ANO2: variants seen among roughly 807,000 people sequenced by gnomAD.
ANO2 encodes the protein anoctamin-2.
In ANO2, 101 loss-of-function variants were observed where a neutral mutation model predicts 124.2. That is an observed-to-expected ratio of 0.81 (90% CI 0.69 to 0.96). The LOEUF (loss-of-function observed/expected upper bound fraction) is 0.96, where lower values mean the gene tolerates loss of function less well. Ranked by LOEUF, ANO2 falls within the 40% of genes least tolerant of loss-of-function variation. The pLI is 0.00. For synonymous variants in ANO2, 486 were observed against 482.5 expected (o/e 1.01, Z -0.09); for missense variants, 1,293 against 1,274.5 (o/e 1.01, Z -0.22).
intron 16 of ANO2, among the ~76,000 whole-genome samples, chr12:5,627,077 A>C (rs999206732): frequency 3.9e-5 from 6 of 152,240 alleles, no homozygotes; most frequent in African/African-American, 1.4e-4. Flanking sequence ...TCTAAACAGT[A>C]GAATTACTGA....
chr12:5,876,379 G>A (rs1938105303), intron 3 of ANO2, among the ~76,000 whole-genome samples: 1 of 152,166 alleles, frequency 6.6e-6, no homozygotes, highest in African/African-American at 2.4e-5. Flanking sequence ...TACACTGTTG[G>A]TGGGAGTGTA....
At chr12:5,663,867 A>G (rs757463886) in intron 14 of ANO2, among the ~76,000 whole-genome samples, 1 of 152,202 alleles carries the variant, frequency 6.6e-6, no homozygotes, top group Non-Finnish European at 1.5e-5. Flanking sequence ...AATTGAGAAG[A>G]ATCATTTTAC....
chr12:5,745,085 T>G (rs1951227387), intron 11 of ANO2, among the ~76,000 whole-genome samples: 1 of 152,234 alleles, frequency 6.6e-6, no homozygotes, highest in African/African-American at 2.4e-5. Flanking sequence ...TATTTCCATT[T>G]AATGGACTGA....
At chr12:5,684,816 C>T (rs946291557) in intron 14 of ANO2, among the ~76,000 whole-genome samples, 2 of 152,150 alleles carry the variant, frequency 1.3e-5, no homozygotes, top group African/African-American at 4.8e-5. Flanking sequence ...ATAGAGATCC[C>T]AGAGAGAAGC....
At chr12:5,626,938 A>G (rs1417056519) in intron 16 of ANO2, among the ~76,000 whole-genome samples, 1 of 152,194 alleles carries the variant, frequency 6.6e-6, no homozygotes, top group African/African-American at 2.4e-5. Context: ...CCAAAGAGAA[A>G]GACAGGAAGA....
At chr12:5,697,585 T>G (rs576298341) in intron 14 of ANO2, among the ~76,000 whole-genome samples, 1 of 152,202 alleles carries the variant, frequency 6.6e-6, no homozygotes, top group African/African-American at 2.4e-5. Flanking sequence ...TTCATCTCAC[T>G]GGGGCTTGTC....
chr12:5,644,998 C>T (rs1391512462), intron 15 of ANO2, among the ~76,000 whole-genome samples: 2 of 151,614 alleles, frequency 1.3e-5, no homozygotes, highest in African/African-American at 4.8e-5. Flanking sequence ...TTTCTTGTGC[C>T]TTATATACTC....
chr12:5,647,290 C>A (rs889242729), intron 15 of ANO2, among the ~76,000 whole-genome samples: 4 of 152,160 alleles, frequency 2.6e-5, no homozygotes, highest in African/African-American at 9.7e-5. Flanking sequence ...AAGGGCTGTA[C>A]CAAACTCTAA....
At chr12:5,807,742 T>C (rs1318910524) in intron 7 of ANO2, among the ~76,000 whole-genome samples, 1 of 152,150 alleles carries the variant, frequency 6.6e-6, no homozygotes, top group African/African-American at 2.4e-5. Context: ...TATAAAAGTG[T>C]ATGAGAGCAT....
chr12:5,645,026 G>A (rs1323345674), intron 15 of ANO2, among the ~76,000 whole-genome samples: 1 of 151,638 alleles, frequency 6.6e-6, no homozygotes, highest in East Asian at 1.9e-4. Flanking sequence ...TCACTATGAT[G>A]CATCTAGATG....
chr12:5,939,690 C>T (rs571194458), intron 1 of ANO2, among the ~76,000 whole-genome samples: 40 of 152,286 alleles, frequency 2.6e-4, no homozygotes, highest in African/African-American at 8.4e-4. Context: ...TCCTGTTTTC[C>T]GAAAGGTAGA....
intron 7 of ANO2, among the ~76,000 whole-genome samples, chr12:5,820,623 T>C (rs1953763361): frequency 6.6e-6 from 1 of 152,156 alleles, no homozygotes; most frequent in Admixed American, 6.5e-5. Flanking sequence ...TGGCTCTACC[T>C]AGAAAAATAG....
At chr12:5,608,281 A>G (rs1165750481) in intron 19 of ANO2, among the ~76,000 whole-genome samples, 1 of 150,678 alleles carries the variant, frequency 6.6e-6, no homozygotes, top group Non-Finnish European at 1.5e-5. Context: ...CAGTAATCAT[A>G]ATCATAGTGA....
intron 23 of ANO2, among the ~76,000 whole-genome samples, chr12:5,575,562 C>T (rs1341713091): frequency 6.6e-6 from 1 of 152,148 alleles, no homozygotes; most frequent in African/African-American, 2.4e-5. Context: ...CTATTGCTCC[C>T]AGGCTACAAA....
chr12:5,766,738 G>T (rs1316047553), intron 10 of ANO2, among the ~76,000 whole-genome samples: 5 of 152,220 alleles, frequency 3.3e-5, no homozygotes, highest in African/African-American at 1.2e-4. Context: ...CACACCAGCA[G>T]ATTCCCTGCA....
chr12:5,919,626 C>A (rs776487534), intron 3 of ANO2, among the ~76,000 whole-genome samples: 33 of 152,190 alleles, frequency 2.2e-4, no homozygotes, highest in Non-Finnish European at 4.1e-4. Flanking sequence ...CAAGATGAGG[C>A]CCGTGACCTG....
intron 14 of ANO2, among the ~76,000 whole-genome samples, chr12:5,690,040 T>C (rs1346812459): frequency 6.6e-6 from 1 of 152,142 alleles, no homozygotes; most frequent in Non-Finnish European, 1.5e-5. Flanking sequence ...CCACAGACCC[T>C]GTACAAGCAG....
At chr12:5,759,807 T>C (rs567935172) in intron 10 of ANO2, among the ~76,000 whole-genome samples, 21 of 152,028 alleles carry the variant, frequency 1.4e-4, no homozygotes, top group African/African-American at 4.6e-4. Context: ...TAGAGTACTA[T>C]ATATAAATTA....
chr12:5,723,228 C>G (rs886970401), intron 14 of ANO2, among the ~76,000 whole-genome samples: 3 of 152,206 alleles, frequency 2.0e-5, no homozygotes, highest in African/African-American at 4.8e-5. Flanking sequence ...CAGCTGCTCA[C>G]AGTCCACTCA....
Sources: allele counts gnomAD v4.1 joint callset (sites outside exome capture counted in the v4.1 genomes callset), GRCh38; gene constraint gnomAD v4.1.1; transcripts MANE v1.5; gene names NCBI Gene and HGNC (gene_info 2026-07-23, HGNC 2026-07-21).